NTN1: variants seen among roughly 807,000 people sequenced by gnomAD.
The protein encoded by NTN1 is netrin-1.
A neutral mutation model predicts 54.2 loss-of-function variants in NTN1; 11 were observed. That is an observed-to-expected ratio of 0.20 (90% confidence interval 0.13 to 0.34). NTN1 has a LOEUF of 0.34. Among genes scored for constraint, NTN1 ranks in the 10% least tolerant of loss-of-function variants. The pLI is 1.00. For missense variants in NTN1, 740 were observed against 893.1 expected, an observed-to-expected ratio of 0.83 and a Z score of 2.18; for synonymous variants, 371 against 382.0, an observed-to-expected ratio of 0.97 and a Z score of 0.33.
intron 2 of NTN1, among the ~76,000 whole-genome samples, chr17:9,100,640 A>G (rs184573700): frequency 3.7e-4 from 56 of 152,286 alleles, no homozygotes; most frequent in African/African-American, 1.3e-3. Flanking sequence ...AGTAAGAACT[A>G]TATCATGTGT....
intron 2 of NTN1, among the ~76,000 whole-genome samples, chr17:9,137,296 C>G (rs947225201): frequency 6.6e-6 from 1 of 152,196 alleles, no homozygotes. Context: ...TTCCCACCCC[C>G]ACCCCATGCC....
chr17:9,184,949 C>T (rs749610708), intron 5 of NTN1, among the ~76,000 whole-genome samples: 4 of 152,210 alleles, frequency 2.6e-5, no homozygotes, highest in East Asian at 1.9e-4. Context: ...TTTAACTTTT[C>T]GGACTGCTTT....
intron 2 of NTN1, among the ~76,000 whole-genome samples, chr17:9,067,078 C>G (rs62069327): frequency 0.21 from 31,465 of 150,516 alleles, 4,201 homozygotes; most frequent in East Asian, 0.46. Context: ...TGAGGCTGGG[C>G]CAACATGGCA....
At position 9,212,120 on chromosome 17, in the gene NTN1, G is replaced by A. The variant is rs904741248; in HGVS notation, c.1412-9048G>A. Among the ~76,000 whole-genome samples, 4 of 152,222 alleles carry A rather than the reference G, an allele frequency of 2.6e-5. No individual in the cohort carries two copies. Among genetic ancestry groups the A allele is most frequent in the Admixed American group, 1.3e-4 (2 of 15,284 alleles). On this transcript the variant is annotated intron_variant, in intron 5 of 6. Transcript: ENST00000173229. This position sits in a 1 kb window ranked among gnomAD's most constrained non-coding sequence, Gnocchi z 5.5. ...CTTGAGGGTGATGGATTGGGTCAGCGAGACTAGTACAGGCTTAGAGAGATG... is the reference window on the plus strand; with the variant it reads ...CTTGAGGGTGATGGATTGGGTCAGCAAGACTAGTACAGGCTTAGAGAGATG...
At chr17:9,196,252 T>C (rs1410170810) in intron 5 of NTN1, among the ~76,000 whole-genome samples, 1 of 152,198 alleles carries the variant, frequency 6.6e-6, no homozygotes, top group Non-Finnish European at 1.5e-5. Context: ...GTGGGGAATT[T>C]GCACCAAGGA....
At chr17:9,156,596 G>A (rs970008578) in intron 2 of NTN1, among the ~76,000 whole-genome samples, 2 of 152,194 alleles carry the variant, frequency 1.3e-5, no homozygotes, top group Non-Finnish European at 2.9e-5. Flanking sequence ...AACACTTATG[G>A]TTTGGTAAAT....
intron 6 of NTN1, among the ~76,000 whole-genome samples, chr17:9,228,873 T>TGA (rs1475679057): frequency 2.0e-3 from 25 of 12,254 alleles, no homozygotes; most frequent in African/African-American, 7.1e-3. Context: ...AGAGTGTGTC[T>TGA]GTGTGTGACT....
At chr17:9,184,323 C>G (rs956708452) in intron 5 of NTN1, among the ~76,000 whole-genome samples, 1 of 151,960 alleles carries the variant, frequency 6.6e-6, no homozygotes, top group African/African-American at 2.4e-5. Context: ...GGGGAAATGG[C>G]GAAGAGAAGG....
chr17:9,133,792 G>C (rs2092272982), intron 2 of NTN1, among the ~76,000 whole-genome samples: 1 of 136,940 alleles, frequency 7.3e-6, no homozygotes, highest in African/African-American at 2.8e-5. Flanking sequence ...AGTAGAGACA[G>C]GGTTTCACCA....
chr17:9,114,239 G>GA (rs1294909195), intron 2 of NTN1, among the ~76,000 whole-genome samples: 1 of 144,764 alleles, frequency 6.9e-6, no homozygotes, highest in Non-Finnish European at 1.5e-5. Flanking sequence ...AGGAGTAAGG[G>GA]AAAAAAAAGG....
At chr17:9,067,694 C>T (rs2092019677) in intron 2 of NTN1, among the ~76,000 whole-genome samples, 1 of 152,144 alleles carries the variant, frequency 6.6e-6, no homozygotes, top group South Asian at 2.1e-4. Context: ...CCTCCCATGC[C>T]CCATCGTGTT....
intron 2 of NTN1, among the ~76,000 whole-genome samples, chr17:9,114,166 A>AAAAAAAAAAAAAACTATATATAT (rs1555569108): frequency 1.3e-5 from 1 of 74,658 alleles, no homozygotes; most frequent in Non-Finnish European, 2.5e-5. Context: ...AAAAAAAAAA[A>AAAAAAAAAAAAAACTATATATAT]ATATATATAT....
chr17:9,131,963 C>T (rs1057213039), intron 2 of NTN1, among the ~76,000 whole-genome samples: 10 of 149,994 alleles, frequency 6.7e-5, no homozygotes, highest in South Asian at 2.1e-4. Flanking sequence ...CAACCACGCC[C>T]GGCTAATTTT....
At chr17:9,236,614 C>T (rs1906001513) in intron 6 of NTN1, among the ~76,000 whole-genome samples, 1 of 152,210 alleles carries the variant, frequency 6.6e-6, no homozygotes, top group African/African-American at 2.4e-5. Flanking sequence ...GCGGCCAGGA[C>T]AGCTCCCACC....
chr17:9,069,636 T>C (rs930614313), intron 2 of NTN1, among the ~76,000 whole-genome samples: 1 of 152,170 alleles, frequency 6.6e-6, no homozygotes, highest in Non-Finnish European at 1.5e-5. Flanking sequence ...CCTGCCTGCT[T>C]CTTGGGACTC....
chr17:9,239,825 C>T lies in NTN1; in HGVS notation c.1672C>T (p.Leu558=). ...KIKPLKKYLL[L]GNAEDSPDQS... is the part of the protein sequence containing the mutation. Reference sequence around the variant, plus strand: ...CAAGCCCCTCAAGAAGTACCTGCTGCTGGGCAACGCGGAGGACTCTCCGGA... The same window carrying T: ...CAAGCCCCTCAAGAAGTACCTGCTGTTGGGCAACGCGGAGGACTCTCCGGA... Residue 558 remains leucine, a synonymous_variant, in exon 7 of 7, where the codon CTG becomes TTG. Transcript: ENST00000173229. This position sits in a 1 kb window ranked among gnomAD's most constrained non-coding sequence, Gnocchi z 5.2. 6.2e-7 allele frequency: 1 copy of T among 1,613,514 alleles called. No individual in the cohort carries two copies. Among genetic ancestry groups the T allele is most frequent in the Non-Finnish European group, 8.5e-7 (1 of 1,179,990 alleles).
chr17:9,093,553 G>A (rs190069326), intron 2 of NTN1, among the ~76,000 whole-genome samples: 4 of 152,278 alleles, frequency 2.6e-5, no homozygotes, highest in Admixed American at 2.0e-4. Flanking sequence ...GGTAGAGATG[G>A]TATCTTGCTA....
In NTN1 at chr17:9,153,537, A is replaced by G. The variant is rs58615653; in HGVS notation, c.1019-9276A>G. 9.3e-3 allele frequency among the ~76,000 whole-genome samples: 1,423 copies of G among 152,316 alleles called. 18 individuals carry two copies. Among genetic ancestry groups the G allele is most frequent in the African/African-American group, 0.032 (1,335 of 41,554 alleles). Reference sequence around the variant, plus strand: ...ATCTGTGCACCCAAGCTGGAGCATCATCACAGGTTGGGGCTTTGAGAGGGG... The same window carrying G: ...ATCTGTGCACCCAAGCTGGAGCATCGTCACAGGTTGGGGCTTTGAGAGGGG... On this transcript the variant is annotated intron_variant, in intron 2 of 6. Transcript: ENST00000173229.
intron 3 of NTN1, chr17:9,176,840 C>A (rs936220234): frequency 6.6e-6 from 1 of 152,294 alleles, no homozygotes; most frequent in Non-Finnish European, 1.5e-5. Flanking sequence ...CCTCTCCGCA[C>A]AGCCCCCAGC....
Sources: allele counts gnomAD v4.1 joint callset (sites outside exome capture counted in the v4.1 genomes callset), GRCh38; gene constraint gnomAD v4.1.1; non-coding constraint Gnocchi (gnomAD v3.1); transcripts MANE v1.5; gene names NCBI Gene and HGNC (gene_info 2026-07-23, HGNC 2026-07-21).